Variants in ABI2 observed in about 807,000 individuals in gnomAD.
The protein encoded by ABI2 is abelson interactor 2.
ABI2 carries 25 observed loss-of-function variants against 59.2 expected under a neutral mutation model. The ratio of observed to expected loss-of-function variants is 0.42; its 90% CI spans 0.31 to 0.59. The LOEUF (loss-of-function observed/expected upper bound fraction) is 0.59. Ranked by LOEUF, ABI2 falls within the 20% of genes least tolerant of loss-of-function variation. The pLI, the probability that ABI2 is intolerant of heterozygous loss-of-function variation, is 0.14. For synonymous variants in ABI2, 213 were observed against 235.5 expected (o/e 0.90, Z 0.87); for missense variants, 545 against 681.8 (o/e 0.80, Z 2.23).
chr2:203,368,103 A>T (rs1289522879), intron 2 of ABI2, among the ~76,000 whole-genome samples: 1 of 152,204 alleles, frequency 6.6e-6, no homozygotes, highest in Non-Finnish European at 1.5e-5. Flanking sequence ...CGTTAAGGCA[A>T]ACATAATCTC....
chr2:203,380,281 G>A lies in ABI2; in HGVS notation c.359G>A (p.Arg120Lys), dbSNP rs771111985. The A allele has an allele frequency of 8.1e-6, 13 of 1,607,954 alleles. No homozygotes were observed. Among genetic ancestry groups the A allele is most frequent in the Non-Finnish European group, 2.5e-6 (3 of 1,177,546 alleles). The change falls in exon 3 of 12, where the codon AGG becomes AAG. Residue 120 changes from arginine (R) to lysine (K), a missense_variant. Around this residue, in one of 4 missense-constraint regions of ABI2, gnomAD observed 410 missense variants for 435.6 expected, o/e 0.94. Coordinates refer to ENST00000261018, the MANE Select transcript of ABI2 (RefSeq NM_001375670.1). ...TTGACTACCAATAAAAACACTTCAA[G>A]GACACATAAGATTATTGCTCCAGCC... ...GILTTNKNTS[R>K]THKIIAPANL...
intron 2 of ABI2, among the ~76,000 whole-genome samples, chr2:203,369,743 AG>A (rs1322786454): frequency 6.6e-6 from 1 of 152,094 alleles, no homozygotes; most frequent in Non-Finnish European, 1.5e-5. Context: ...CAATAGTTGG[AG>A]GGGTAATAGA....
At chr2:203,401,289 C>T (rs561706789) in intron 8 of ABI2, among the ~76,000 whole-genome samples, 1 of 152,026 alleles carries the variant, frequency 6.6e-6, no homozygotes, top group East Asian at 1.9e-4. Flanking sequence ...CCTCCACCTT[C>T]ATCTCCTCCT....
Position 203,395,636 on chromosome 2 carries a change from G to A in ABI2, c.726-20G>A. The A allele has an allele frequency of 6.3e-7, 1 of 1,599,268 alleles. No homozygotes were observed. The highest frequency in any genetic ancestry group is 8.5e-7 in the Non-Finnish European group (1 of 1,173,538). On this transcript the variant is annotated intron_variant, in intron 6 of 11. Transcript: ENST00000261018. ...TACTGTTTATAAATACTCATGTTTT[G>A]GTGGCTCTTATTTCTTTAGCAGCAG...
chr2:203,410,630 GA>G (rs2097628525), intron 9 of ABI2, among the ~76,000 whole-genome samples: 1 of 152,160 alleles, frequency 6.6e-6, no homozygotes, highest in African/African-American at 2.4e-5. Flanking sequence ...TTGGGATTAT[GA>G]AAAATTGTAA....
intron 8 of ABI2, among the ~76,000 whole-genome samples, chr2:203,399,871 TAA>T (rs1292680293): frequency 1.3e-5 from 2 of 152,260 alleles, no homozygotes; most frequent in Admixed American, 6.5e-5. Context: ...TCATTTTTAT[TAA>T]GTGTTATTTT....
chr2:203,421,911 C>T (rs1171067009), intron 11 of ABI2, among the ~76,000 whole-genome samples: 2 of 148,194 alleles, frequency 1.3e-5, no homozygotes, highest in South Asian at 2.1e-4. Context: ...TTGCAGTGAG[C>T]CAAGATCACT....
At chr2:203,365,939 T>A (rs1450327978) in intron 1 of ABI2, among the ~76,000 whole-genome samples, 3 of 152,178 alleles carry the variant, frequency 2.0e-5, no homozygotes, top group African/African-American at 7.2e-5. Context: ...GGGGCTGTTA[T>A]CTTAATGCTT....
intron 1 of ABI2, among the ~76,000 whole-genome samples, chr2:203,359,241 A>G (rs1007432189): frequency 6.6e-6 from 1 of 152,228 alleles, no homozygotes; most frequent in African/African-American, 2.4e-5. Context: ...TTTAAATAAC[A>G]TAACCAGTCT....
At chr2:203,391,888 C>G (rs1434595167) in intron 5 of ABI2, among the ~76,000 whole-genome samples, 1 of 151,080 alleles carries the variant, frequency 6.6e-6, no homozygotes, top group African/African-American at 2.4e-5. Context: ...CTAGATTTGA[C>G]TTTTGGCAAA....
Position 203,349,711 on chromosome 2 carries a change from A to ATT in ABI2, c.118-17152_118-17151dup, listed in dbSNP as rs936016096. Among the ~76,000 whole-genome samples the ATT allele has an allele frequency of 4.1e-4, 58 of 140,642 alleles. 1 individual carries two copies. Among genetic ancestry groups the ATT allele is most frequent in the Middle Eastern group, 3.7e-3 (1 of 270 alleles). 92.3% of individuals were successfully genotyped at this position (140,642 alleles called of 152,430 possible). ...TGAGCCACTGTGCCCGGCTGTGTTC[A>ATT]TTTTTTTTTTTTTTTACGGCTGAAT... On this transcript the variant is annotated intron_variant, in intron 1 of 11. Coordinates refer to ENST00000261018, the MANE Select transcript of ABI2 (RefSeq NM_001375670.1).
rs1005807820 is a variant in ABI2 at position 203,426,891 on chromosome 2, C to T, written c.1454-286C>T. On this transcript the variant is annotated intron_variant, in intron 11 of 11. Coordinates refer to ENST00000261018, the MANE Select transcript of ABI2 (RefSeq NM_001375670.1). ...GATTGTGTACCTCTTCAATGAGGTA[C>T]TTCCCTGTAGGCTCTTAAAAGGTCA... is the stretch of plus-strand genomic sequence containing the variant. 6.0e-5 allele frequency among the ~76,000 whole-genome samples: 9 copies of T among 151,228 alleles called. No individual in the cohort carries two copies. In the South Asian group the frequency reaches 6.3e-4, roughly 11 times the overall value.
At position 203,427,616 on chromosome 2, in the gene ABI2, C is replaced by T. The variant is rs1468162518; in HGVS notation, c.*264C>T. On this transcript the variant is annotated 3_prime_UTR_variant, in exon 12 of 12. Transcript: ENST00000261018. ...TTTATGTATGTCAAAGGTATAACAG[C>T]ATAACTGTGTAGCCAAAACAAAATC... 3 of 314,708 alleles carry T rather than the reference C, an allele frequency of 9.5e-6. No individual in the cohort carries two copies. Among genetic ancestry groups the T allele is most frequent in the Admixed American group, 8.7e-5 (2 of 23,088 alleles). 19.5% of individuals were successfully genotyped at this position (314,708 alleles called of 1,614,324 possible). A position where few individuals can be genotyped will look rare whatever the true frequency, so the allele number is the denominator to read the frequency against.
intron 8 of ABI2, among the ~76,000 whole-genome samples, chr2:203,400,417 A>G (rs2097175110): frequency 6.6e-6 from 1 of 152,176 alleles, no homozygotes; most frequent in African/African-American, 2.4e-5. Flanking sequence ...AGATCTAACT[A>G]TATAAAATTC....
chr2:203,376,413 C>T (rs2095682264), intron 2 of ABI2, among the ~76,000 whole-genome samples: 1 of 152,166 alleles, frequency 6.6e-6, no homozygotes, highest in Non-Finnish European at 1.5e-5. Context: ...TGTAGGCATT[C>T]TTTGAAGTAG....
At position 203,431,785 on chromosome 2, in the gene ABI2, AAAG is replaced by A. The variant is rs1176298323; in HGVS notation, c.*4436_*4438del. ...ATATCTTAAGGTTTTTTGTAAGAAAAAAGAAAAACCAACAAAAAAAGCTTATTT... is the reference window on the plus strand; with the variant it reads ...ATATCTTAAGGTTTTTTGTAAGAAAAAAAAACCAACAAAAAAAGCTTATTT... On this transcript the variant is annotated 3_prime_UTR_variant, in exon 12 of 12. Transcript: ENST00000261018. 6.6e-6 allele frequency: 1 copy of A among 152,164 alleles called. No individual in the cohort carries two copies. The highest frequency in any genetic ancestry group is 2.1e-4 in the South Asian group (1 of 4,832). The allele number at this position is 152,164 out of a possible 1,614,324, so 9.4% of individuals were successfully genotyped here.
intron 9 of ABI2, among the ~76,000 whole-genome samples, 172 bp downstream of exon 9, chr2:203,402,906 A>G (rs1027990039): frequency 5.9e-5 from 9 of 152,100 alleles, no homozygotes; most frequent in African/African-American, 1.7e-4. Flanking sequence ...CAATTCTTTA[A>G]AAAAAAATCA....
chr2:203,355,312 C>G, intron 1 of ABI2: 1 of 217,954 alleles, frequency 4.6e-6, no homozygotes, highest in South Asian at 6.0e-5. Context: ...GGAAGACTAG[C>G]CTGAGCAACA....
chr2:203,357,447 C>T (rs2092417377), intron 1 of ABI2, among the ~76,000 whole-genome samples: 1 of 152,122 alleles, frequency 6.6e-6, no homozygotes, highest in South Asian at 2.1e-4. Context: ...GTAGCAAATA[C>T]CTAGGTGACT....
Sources: allele counts gnomAD v4.1 joint callset (sites outside exome capture counted in the v4.1 genomes callset), GRCh38; gene constraint gnomAD v4.1.1; regional missense constraint gnomAD v4.1.1; transcripts MANE v1.5; gene names NCBI Gene and HGNC (gene_info 2026-07-23, HGNC 2026-07-21).